GRIK3: variants seen among roughly 807,000 people sequenced by gnomAD.
The protein encoded by GRIK3 is glutamate receptor ionotropic, kainate 3.
A neutral mutation model predicts 102.5 loss-of-function variants in GRIK3; 29 were observed. The observed-to-expected ratio is 0.28, with a 90% confidence interval of 0.21 to 0.39. The LOEUF (loss-of-function observed/expected upper bound fraction) is 0.39. GRIK3 is among the 10% of genes least tolerant of loss of function. The pLI, the probability that GRIK3 is intolerant of heterozygous loss-of-function variation, is 1.00. For synonymous variants in GRIK3, 511 were observed against 504.9 expected (o/e 1.01, Z -0.16); for missense variants, 908 against 1,252.4 (o/e 0.73, Z 4.15).
chr1:36,871,005 T>C (rs942621017), intron 4 of GRIK3, among the ~76,000 whole-genome samples: 11 of 152,084 alleles, frequency 7.2e-5, no homozygotes, highest in Admixed American at 2.6e-4. Context: ...GGCATGCGTG[T>C]TTCCTCGACA....
intron 11 of GRIK3, among the ~76,000 whole-genome samples, chr1:36,822,547 T>C (rs536169166): frequency 6.6e-6 from 1 of 152,272 alleles, no homozygotes; most frequent in East Asian, 1.9e-4. Context: ...CTTGGATTTG[T>C]AGCTTGCGGT....
In GRIK3 at chr1:37,024,742, C is replaced by CAAAAA. The variant is rs11314211; in HGVS notation, c.115+9247_115+9251dup. 1.1e-4 allele frequency among the ~76,000 whole-genome samples: 8 copies of CAAAAA among 71,018 alleles called. No individual in the cohort carries two copies. The East Asian group carries it at 1.5e-3, about 14-fold the overall frequency. 46.6% of individuals were successfully genotyped at this position (71,018 alleles called of 152,430 possible). On this transcript the variant is annotated intron_variant, in intron 1 of 15. Transcript: ENST00000373091. ...TGGGCAACAGAGCAAGACTCCATCTCAAAAAAAAAAAAAAAAAAAAAGAGT... is the reference window on the plus strand; with the variant it reads ...TGGGCAACAGAGCAAGACTCCATCTCAAAAAAAAAAAAAAAAAAAAAAAAAAGAGT...
Position 36,916,944 on chromosome 1 carries a change from C to A in GRIK3, c.116-25848G>T, listed in dbSNP as rs186135771. ...TCTCCAGACCCCAGAATGGTAGATC[C>A]ACTGACAGCCTGCACTGTGCATCTG... On this transcript the variant is annotated intron_variant, in intron 1 of 15. Coordinates refer to ENST00000373091, the MANE Select transcript of GRIK3 (RefSeq NM_000831.4). Among the ~76,000 whole-genome samples, 7 of 152,318 alleles carry A rather than the reference C, an allele frequency of 4.6e-5. No individual in the cohort carries two copies. The East Asian group carries it at 1.4e-3, about 29-fold the overall frequency.
At chr1:36,847,360 G>A (rs1386197118) in intron 9 of GRIK3, among the ~76,000 whole-genome samples, 1 of 152,204 alleles carries the variant, frequency 6.6e-6, no homozygotes, top group South Asian at 2.1e-4. Flanking sequence ...GGGGCAGAGT[G>A]GGGGACTATG....
intron 2 of GRIK3, among the ~76,000 whole-genome samples, chr1:36,881,685 T>G (rs1421336376): frequency 6.6e-6 from 1 of 152,180 alleles, no homozygotes; most frequent in African/African-American, 2.4e-5. Flanking sequence ...CTGTCTATTC[T>G]GCACTCAGCA....
intron 1 of GRIK3, among the ~76,000 whole-genome samples, chr1:36,929,064 C>T (rs780864697): frequency 1.3e-5 from 2 of 152,086 alleles, no homozygotes; most frequent in Non-Finnish European, 2.9e-5. Context: ...TTCTTAGTTT[C>T]GATTTACAGA....
intron 10 of GRIK3, among the ~76,000 whole-genome samples, chr1:36,828,051 A>G (rs758968432): frequency 1.5e-4 from 22 of 150,790 alleles, no homozygotes; most frequent in Non-Finnish European, 1.8e-4. Flanking sequence ...CTTTCAGTTC[A>G]GGGTATATAC....
At chr1:36,865,433 A>G (rs1640772664) in intron 5 of GRIK3, among the ~76,000 whole-genome samples, 1 of 152,242 alleles carries the variant, frequency 6.6e-6, no homozygotes, top group Non-Finnish European at 1.5e-5. Context: ...AATAAGCCAC[A>G]ACTGACCAAT....
At chr1:36,816,510 G>A (rs527434320) in intron 13 of GRIK3, among the ~76,000 whole-genome samples, 1 of 152,310 alleles carries the variant, frequency 6.6e-6, no homozygotes, top group East Asian at 1.9e-4. Flanking sequence ...ACCCATTAGA[G>A]CAGTCACTTG....
chr1:37,003,926 A>G (rs1295388721), intron 1 of GRIK3, among the ~76,000 whole-genome samples: 3 of 152,120 alleles, frequency 2.0e-5, no homozygotes, highest in African/African-American at 7.2e-5. Context: ...TGCAGAAAGA[A>G]GGGAGAGGAG....
chr1:36,818,388 A>G (rs1400508240), intron 12 of GRIK3, among the ~76,000 whole-genome samples: 3 of 152,216 alleles, frequency 2.0e-5, no homozygotes, highest in Admixed American at 1.3e-4. Context: ...TTCCCTTGAA[A>G]GCTGCCTGTC....
intron 1 of GRIK3, among the ~76,000 whole-genome samples, chr1:36,981,798 T>C (rs1232433568): frequency 2.6e-5 from 4 of 152,156 alleles, no homozygotes; most frequent in Non-Finnish European, 1.5e-5. Flanking sequence ...ACCTACTGTG[T>C]ACCAGGCACT....
chr1:36,993,800 A>C (rs573343125), intron 1 of GRIK3, among the ~76,000 whole-genome samples: 15 of 152,312 alleles, frequency 9.8e-5, no homozygotes, highest in African/African-American at 3.1e-4. Flanking sequence ...CATATCGAAT[A>C]ACTGACCAAC....
At chr1:36,980,706 C>T (rs1441904573) in intron 1 of GRIK3, among the ~76,000 whole-genome samples, 2 of 151,978 alleles carry the variant, frequency 1.3e-5, no homozygotes, top group Non-Finnish European at 2.9e-5. Flanking sequence ...CTACCCAGTC[C>T]CACACATGGG....
intron 1 of GRIK3, among the ~76,000 whole-genome samples, chr1:36,970,883 A>C (rs757925441): frequency 3.3e-5 from 5 of 152,212 alleles, no homozygotes; most frequent in Non-Finnish European, 5.9e-5. Flanking sequence ...CCACAAGAAG[A>C]ATGACCCTAT....
chr1:36,851,046 C>A (rs1400512066), intron 8 of GRIK3, among the ~76,000 whole-genome samples: 1 of 152,172 alleles, frequency 6.6e-6, no homozygotes, highest in Non-Finnish European at 1.5e-5. Flanking sequence ...AAGCCCTGGG[C>A]CTCTTGAAGA....
chr1:36,899,091 A>G (rs1272923986), intron 1 of GRIK3, among the ~76,000 whole-genome samples: 2 of 152,206 alleles, frequency 1.3e-5, no homozygotes, highest in South Asian at 2.1e-4. Context: ...AGAAGAAAAC[A>G]TAGAACAAAG....
At chr1:36,895,888 T>C (rs919819038) in intron 1 of GRIK3, among the ~76,000 whole-genome samples, 4 of 151,924 alleles carry the variant, frequency 2.6e-5, no homozygotes, top group Admixed American at 2.0e-4. Context: ...CGAAGAAAAA[T>C]GCATCTTATC....
intron 1 of GRIK3, among the ~76,000 whole-genome samples, chr1:36,973,818 G>T (rs1012186617): frequency 7.9e-5 from 12 of 152,102 alleles, no homozygotes; most frequent in Admixed American, 3.3e-4. Flanking sequence ...CGTTTATGAT[G>T]CTGCGTGCCA....
Sources: allele counts gnomAD v4.1 joint callset (sites outside exome capture counted in the v4.1 genomes callset), GRCh38; gene constraint gnomAD v4.1.1; transcripts MANE v1.5; gene names NCBI Gene and HGNC (gene_info 2026-07-23, HGNC 2026-07-21).